The following ABHD12 variants were observed in gnomAD, a reference collection of about 807,000 sequenced individuals.
The protein encoded by ABHD12 is lysophosphatidylserine lipase ABHD12.
ABHD12 carries 43 observed loss-of-function variants against 58.3 expected under a neutral mutation model. The ratio of observed to expected loss-of-function variants is 0.74; its 90% CI spans 0.58 to 0.95. ABHD12 has a LOEUF of 0.95. Among genes scored for constraint, ABHD12 ranks in the 40% least tolerant of loss-of-function variants. ABHD12 has a pLI of 0.00. For missense variants in ABHD12, 539 were observed against 537.2 expected (o/e 1.00, Z -0.03); for synonymous variants, 219 against 211.2 (o/e 1.04, Z -0.32).
At chr20:25,307,282 A>G (rs1270591093) in intron 9 of ABHD12, among the ~76,000 whole-genome samples, 3 of 152,244 alleles carry the variant, frequency 2.0e-5, no homozygotes, top group African/African-American at 7.2e-5. Flanking sequence ...GTCTATGGAC[A>G]GTTTCCTCAC....
downstream of ABHD12, among the ~76,000 whole-genome samples, chr20:25,298,783 C>G (rs975205685): frequency 6.6e-6 from 1 of 152,122 alleles, no homozygotes; most frequent in Non-Finnish European, 1.5e-5. Context: ...CTCTGTGCTA[C>G]CCTGAAGACC....
intron 1 of ABHD12, chr20:25,368,608 T>C (rs1020916959): frequency 7.2e-7 from 1 of 1,388,882 alleles, no homozygotes; most frequent in Non-Finnish European, 1.0e-6. Context: ...AATAATTCTG[T>C]GAAAGCGGAA....
downstream of ABHD12, among the ~76,000 whole-genome samples, chr20:25,295,397 C>T (rs1600747797): frequency 6.6e-6 from 1 of 152,218 alleles, no homozygotes; most frequent in African/African-American, 2.4e-5. Context: ...AAATATTGTC[C>T]CAGGACATAA....
At chr20:25,389,488 G>C (rs1435732409) in intron 1 of ABHD12, among the ~76,000 whole-genome samples, 2 of 152,146 alleles carry the variant, frequency 1.3e-5, no homozygotes, top group Non-Finnish European at 2.9e-5. Flanking sequence ...TACAACGCCT[G>C]AGATCATCAT....
At chr20:25,384,653 G>A (rs1045424540) in intron 1 of ABHD12, among the ~76,000 whole-genome samples, 3 of 152,124 alleles carry the variant, frequency 2.0e-5, no homozygotes, top group Admixed American at 6.5e-5. Flanking sequence ...GCTGAGGTGC[G>A]AAGACCATTT....
At chr20:25,316,544 G>A (rs2088965545) in intron 5 of ABHD12, among the ~76,000 whole-genome samples, 1 of 152,228 alleles carries the variant, frequency 6.6e-6, no homozygotes. Flanking sequence ...ATCTGCACTT[G>A]GTCTACAAAG....
chr20:25,373,442 G>A (rs1278897080), intron 1 of ABHD12, among the ~76,000 whole-genome samples: 1 of 152,036 alleles, frequency 6.6e-6, no homozygotes, highest in African/African-American at 2.4e-5. Flanking sequence ...GGCTACTTGG[G>A]GGGCTGAGGC....
Position 25,390,733 on chromosome 20 carries a change from G to A in ABHD12, c.-30C>T. 1.6e-6 allele frequency: 2 copies of A among 1,271,484 alleles called. No individual in the cohort carries two copies. The highest frequency in any genetic ancestry group is 2.0e-5 in the South Asian group (1 of 48,930). 78.8% of individuals were successfully genotyped at this position (1,271,484 alleles called of 1,614,324 possible). ...CGGCCGACAGGGCCAGCCGCCGACG[G>A]CGCCCGCTGGCCTGCGCCGCAGTGC... On this transcript the variant is annotated 5_prime_UTR_variant, in exon 1 of 13. Coordinates refer to ENST00000339157, the MANE Select transcript of ABHD12 (RefSeq NM_001042472.3).
At chr20:25,346,165 T>C (rs967214128) in intron 1 of ABHD12, among the ~76,000 whole-genome samples, 7 of 152,162 alleles carry the variant, frequency 4.6e-5, no homozygotes, top group Non-Finnish European at 8.8e-5. Flanking sequence ...GAAAAGAACA[T>C]GGCAGAAACT....
At chr20:25,384,880 A>C (rs2090068229) in intron 1 of ABHD12, among the ~76,000 whole-genome samples, 1 of 152,200 alleles carries the variant, frequency 6.6e-6, no homozygotes, top group Non-Finnish European at 1.5e-5. Flanking sequence ...CCCTTCAGAA[A>C]GAACCTGTTC....
intron 1 of ABHD12, among the ~76,000 whole-genome samples, chr20:25,376,313 C>T (rs564498564): frequency 5.3e-5 from 8 of 152,082 alleles, no homozygotes; most frequent in African/African-American, 7.2e-5. Context: ...AGCTTTTAGG[C>T]GGAAATCTTA....
intron 1 of ABHD12, among the ~76,000 whole-genome samples, chr20:25,354,266 G>T (rs115539323): frequency 0.011 from 1,688 of 152,264 alleles, 32 homozygotes; most frequent in African/African-American, 0.036. Flanking sequence ...TCCCACCTGT[G>T]GTGCCAGTTC....
Position 25,390,533 on chromosome 20 carries a change from T to C in ABHD12, c.171A>G (p.Gly57=), listed in dbSNP as rs1237205806. The C allele has an allele frequency of 4.7e-5, 64 of 1,364,310 alleles. 1 individual carries two copies. The highest frequency in any genetic ancestry group is 5.7e-5 in the Non-Finnish European group (61 of 1,061,512). 84.5% of individuals were successfully genotyped at this position (1,364,310 alleles called of 1,614,324 possible). Residue 57 remains glycine (G), a synonymous_variant, in exon 1 of 13, where the codon GGA becomes GGG. Transcript: ENST00000339157. ...AAEPRCAADA[G]MKRALGRRKG... ...CTCACCTGCCCAGCGCCCGCTTCAT[T>C]CCCGCGTCGGCTGCGCAGCGCGGCT...
intron 1 of ABHD12, among the ~76,000 whole-genome samples, chr20:25,349,745 A>T (rs2089573193): frequency 6.6e-6 from 1 of 152,208 alleles, no homozygotes; most frequent in Admixed American, 6.5e-5. Context: ...AGTTGTGGGA[A>T]GGGGAAAATG....
In ABHD12 at chr20:25,309,647, AG is replaced by A; in HGVS notation, c.620-73del. 1.9e-6 allele frequency: 3 copies of A among 1,600,078 alleles called. No homozygotes were observed. In the South Asian group the frequency reaches 3.3e-5, roughly 18 times the overall value. On this transcript the variant is annotated intron_variant, in intron 6 of 12. Coordinates refer to ENST00000339157, the MANE Select transcript of ABHD12 (RefSeq NM_001042472.3). ...AAACCTGGACAAACACACCTCCCCA[AG>A]GGGGCCCAGGGCCAGGAGGAGACAG...
At chr20:25,384,695 T>C in intron 1 of ABHD12, among the ~76,000 whole-genome samples, 1 of 152,132 alleles carries the variant, frequency 6.6e-6, no homozygotes, top group Non-Finnish European at 1.5e-5. Flanking sequence ...CAGTGAGCCA[T>C]GACTGCACTG....
intron 7 of ABHD12, 88 bp downstream of exon 7, chr20:25,309,358 A>G: frequency 2.5e-6 from 4 of 1,592,122 alleles, no homozygotes; most frequent in Non-Finnish European, 3.4e-6. Context: ...CAGGGTTTGC[A>G]GGGATGGTGG....
chr20:25,338,142 C>T (rs1010171430), intron 2 of ABHD12, among the ~76,000 whole-genome samples: 1 of 152,266 alleles, frequency 6.6e-6, no homozygotes, highest in Admixed American at 6.5e-5. Flanking sequence ...AACACCCAAA[C>T]TCATAAGCCC....
At chr20:25,351,530 T>C (rs893770099) in intron 1 of ABHD12, among the ~76,000 whole-genome samples, 3 of 152,230 alleles carry the variant, frequency 2.0e-5, no homozygotes, top group African/African-American at 2.4e-5. Flanking sequence ...ATTTACAAAA[T>C]ACTGATGCTT....
Sources: allele counts gnomAD v4.1 joint callset (sites outside exome capture counted in the v4.1 genomes callset), GRCh38; gene constraint gnomAD v4.1.1; transcripts MANE v1.5; gene names NCBI Gene and HGNC (gene_info 2026-07-23, HGNC 2026-07-21).